Variants in TBXT observed in about 807,000 individuals in gnomAD.
TBXT encodes the protein T-box transcription factor T.
A neutral mutation model predicts 41.1 loss-of-function variants in TBXT; 19 were observed. That is an observed-to-expected ratio of 0.46 (90% CI 0.32 to 0.68). The LOEUF (loss-of-function observed/expected upper bound fraction) is 0.68, where lower values mean the gene tolerates loss of function less well. TBXT is among the 30% of genes least tolerant of loss of function. TBXT has a pLI of 0.03. For synonymous variants in TBXT, 213 were observed against 238.9 expected (o/e 0.89, Z 1.00); for missense variants, 536 against 582.0 (o/e 0.92, Z 0.81).
At chr6:166,167,855 G>A (rs1357429563), upstream of TBXT, 3 of 560,400 alleles carry the variant, frequency 5.4e-6, no homozygotes, top group African/African-American at 3.9e-5. Flanking sequence ...GGTCTCTGGG[G>A]ACCGAAATTC....
chr6:166,167,889 C>G (rs1399469924), upstream of TBXT: 5 of 497,958 alleles, frequency 1.0e-5, no homozygotes, highest in South Asian at 4.3e-5. Context: ...TAAATAGAGC[C>G]GCGGCGGCAG....
rs1779091014 is a variant in TBXT, at chr6:166,165,739, C to T, written c.573G>A (p.Gln191=). 5 of 1,614,222 alleles carry T rather than the reference C, an allele frequency of 3.1e-6. No homozygotes were observed. Among genetic ancestry groups the T allele is most frequent in the African/African-American group, 1.3e-5 (1 of 75,054 alleles). ...MITSHCFPET[Q]FIAVTAYQNE... ...TCTGATAAGCAGTCACCGCTATGAACTGGGTCTCAGGGAAGCAGTGGCTGG... is the reference window on the plus strand; with the variant it reads ...TCTGATAAGCAGTCACCGCTATGAATTGGGTCTCAGGGAAGCAGTGGCTGG... The change falls in exon 3 of 8, where the codon CAG becomes CAA. Residue 191 remains glutamine, a synonymous_variant. Transcript: ENST00000366876.
At position 166,167,423 on chromosome 6, in the gene TBXT, C is replaced by T. The variant is rs768807770; in HGVS notation, c.169G>A (p.Glu57Lys). The T allele has an allele frequency of 5.6e-6, 9 of 1,613,220 alleles. 1 individual carries two copies. The South Asian group carries it at 8.8e-5, about 16-fold the overall frequency. ...EESELWLRFK[E>K]LTNEMIVTKN... ...GTCACGATCATCTCATTGGTGAGCT[C>T]CTTGAAGCGCAGCCACAGCTCGCTC... Residue 57 changes from glutamate to lysine, a missense_variant, in exon 1 of 8, where the codon GAG (glutamate) becomes AAG (lysine). Glu to Lys is a moderately conservative substitution (Grantham distance 56). Transcript: ENST00000366876.
chr6:166,162,362 G>T, intron 6 of TBXT, 85 bp downstream of exon 6: 1 of 1,493,038 alleles, frequency 6.7e-7, no homozygotes, highest in South Asian at 1.2e-5. Flanking sequence ...CATTTTTTTA[G>T]ATTCTAGACT....
chr6:166,163,632 A>T (rs994738129), intron 5 of TBXT, among the ~76,000 whole-genome samples: 1 of 152,104 alleles, frequency 6.6e-6, no homozygotes, highest in Non-Finnish European at 1.5e-5. Context: ...GATCCATCCA[A>T]CTTGGCCTCC....
At chr6:166,164,773 G>C (rs1242498972) in intron 4 of TBXT, 27 bp downstream of exon 4, 1 of 1,612,562 alleles carries the variant, frequency 6.2e-7, no homozygotes, top group East Asian at 2.2e-5. Flanking sequence ...CTTTGCCCAA[G>C]GGTATTTATA....
intron 7 of TBXT, among the ~76,000 whole-genome samples, chr6:166,159,868 A>T (rs1036874505): frequency 6.6e-6 from 1 of 152,156 alleles, no homozygotes; most frequent in Non-Finnish European, 1.5e-5. Context: ...GGGTCATCTG[A>T]TCGGGTGCAG....
chr6:166,164,197 G>A (rs1221387747), intron 5 of TBXT, among the ~76,000 whole-genome samples: 1 of 152,110 alleles, frequency 6.6e-6, no homozygotes, highest in Non-Finnish European at 1.5e-5. Context: ...AGAACCAAAG[G>A]GCTAAGGAAA....
chr6:166,164,956 T>A, intron 3 of TBXT, 95 bp from the exon 4 acceptor site: 1 of 981,358 alleles, frequency 1.0e-6, no homozygotes, highest in Non-Finnish European at 1.6e-6. Flanking sequence ...GTACCACTTT[T>A]AAATATTCAA....
At chr6:166,167,302 T>C in intron 1 of TBXT, 84 bp downstream of exon 1, 1 of 1,515,810 alleles carries the variant, frequency 6.6e-7, no homozygotes, top group Non-Finnish European at 9.0e-7. Flanking sequence ...GAAAAAGGGT[T>C]CGACCTCCGG....
Position 166,158,016 on chromosome 6 carries a change from T to G in TBXT, c.*299A>C, listed in dbSNP as rs1322720280. ...TGAGAAATAAACCAAAAAAAGTTTC[T>G]GGACCCTGGCAAACATTTTTTCACC... On this transcript the variant is annotated 3_prime_UTR_variant, in exon 8 of 8. Coordinates refer to ENST00000366876, the MANE Select transcript of TBXT (RefSeq NM_001366285.2). 7.5e-6 allele frequency: 4 copies of G among 536,610 alleles called. No individual in the cohort carries two copies. The highest frequency in any genetic ancestry group is 1.3e-5 in the Non-Finnish European group (4 of 299,068). 33.2% of individuals were successfully genotyped at this position (536,610 alleles called of 1,614,324 possible).
intron 3 of TBXT, 74 bp from the exon 4 acceptor site, chr6:166,164,935 G>T: frequency 1.6e-6 from 2 of 1,223,090 alleles, no homozygotes; most frequent in South Asian, 2.5e-5. Context: ...CCAAGAAATT[G>T]AGAAATGCCA....
intron 7 of TBXT, among the ~76,000 whole-genome samples, chr6:166,158,852 AAG>A (rs1391241909): frequency 2.0e-5 from 3 of 152,234 alleles, no homozygotes; most frequent in African/African-American, 7.2e-5. Flanking sequence ...GAGCTCATGA[AAG>A]AGCGCTGTTA....
chr6:166,159,649 T>A lies in TBXT; in HGVS notation c.1038-1061A>T, dbSNP rs565425268. Among the ~76,000 whole-genome samples, 3 of 152,388 alleles carry A rather than the reference T, an allele frequency of 2.0e-5. No individual in the cohort carries two copies. The South Asian group carries it at 6.2e-4, about 32-fold the overall frequency. Reference sequence around the variant, plus strand: ...GGAAGTGGATAGCATTCAATTATGGTAAGATTTTATTTTGGGAAATAACCT... The same window carrying A: ...GGAAGTGGATAGCATTCAATTATGGAAAGATTTTATTTTGGGAAATAACCT... On this transcript the variant is annotated intron_variant, in intron 7 of 7. Transcript: ENST00000366876.
At chr6:166,163,218 T>G (rs969892827) in intron 5 of TBXT, among the ~76,000 whole-genome samples, 1 of 152,126 alleles carries the variant, frequency 6.6e-6, no homozygotes, top group Non-Finnish European at 1.5e-5. Flanking sequence ...TGCCCTCCCC[T>G]TCTCCTCCTG....
chr6:166,162,737 C>T (rs1778997728), intron 5 of TBXT, 114 bp from the exon 6 acceptor site: 2 of 735,570 alleles, frequency 2.7e-6, no homozygotes, highest in African/African-American at 3.4e-5. Context: ...AGAGCCCAGG[C>T]CAGGGACTCT....
intron 4 of TBXT, 30 bp downstream of exon 4, chr6:166,164,770 C>G (rs553445191): frequency 6.2e-7 from 1 of 1,612,418 alleles, no homozygotes; most frequent in South Asian, 1.1e-5. Context: ...CTTCTTTGCC[C>G]AAGGGTATTT....
At position 166,162,501 on chromosome 6, in the gene TBXT, T is replaced by G. The variant is rs770678347; in HGVS notation, c.853A>C (p.Ser285Arg). The G allele has an allele frequency of 8.1e-6, 13 of 1,614,026 alleles. No homozygotes were observed. The highest frequency in any genetic ancestry group is 1.1e-5 in the Non-Finnish European group (13 of 1,179,978). Residue 285 changes from serine (S) to arginine (R), a missense_variant, in exon 6 of 8, where the codon AGC becomes CGC. Coordinates refer to ENST00000366876, the MANE Select transcript of TBXT (RefSeq NM_001366285.2). ...HSCDRYPTLR[S>R]HRSSPYPSPY... ...CTGGGGTAGGGTGAGGACCGGTGGCTCCTCAGGGTTGGGTACCTGTCACAG... is the reference window on the plus strand; with the variant it reads ...CTGGGGTAGGGTGAGGACCGGTGGCGCCTCAGGGTTGGGTACCTGTCACAG...
rs112523930 is a variant in TBXT, at chr6:166,166,932, G to C, written c.207-76C>G. The C allele has an allele frequency of 6.8e-4, 1,098 of 1,605,210 alleles. 23 individuals are homozygous for C. The East Asian group carries it at 0.02, about 29-fold the overall frequency. ...CCGGAGGCAGAAGCTGGGCACAGAG[G>C]CCTCAGTTATTTCGGGGCACAGAGG... On this transcript the variant is annotated intron_variant, in intron 1 of 7. Coordinates refer to ENST00000366876, the MANE Select transcript of TBXT (RefSeq NM_001366285.2).
Sources: gnomAD v4.1 joint callset for allele counts (sites outside exome capture counted in the v4.1 genomes callset) on GRCh38, gnomAD v4.1.1 for gene constraint, MANE v1.5 for transcripts, NCBI Gene and HGNC (gene_info 2026-07-23, HGNC 2026-07-21) for gene names.